The following LTBP1 variants were observed in gnomAD, a reference collection of about 807,000 sequenced individuals.
The protein encoded by LTBP1 is latent-transforming growth factor beta-binding protein 1.
In LTBP1, 129 loss-of-function variants were observed where a neutral mutation model predicts 207.6. The observed-to-expected ratio is 0.62, with a 90% CI of 0.54 to 0.72. The LOEUF (loss-of-function observed/expected upper bound fraction) is 0.72, where lower values mean the gene tolerates loss of function less well. Ranked by LOEUF, LTBP1 falls within the 30% of genes least tolerant of loss-of-function variation. LTBP1 has a pLI of 0.00. For missense variants in LTBP1, 2,281 were observed against 2,217.2 expected (o/e 1.03, Z -0.58); for synonymous variants, 963 against 833.7 (o/e 1.16, Z -2.67).
At chr2:33,349,498 C>CTT (rs1559050734) in intron 26 of LTBP1, among the ~76,000 whole-genome samples, 1 of 151,696 alleles carries the variant, frequency 6.6e-6, no homozygotes, top group African/African-American at 2.4e-5. Flanking sequence ...AGGCTGTGGT[C>CTT]TTTTTTTGTG....
At chr2:33,043,185 G>C (rs1239904067) in intron 3 of LTBP1, among the ~76,000 whole-genome samples, 1 of 152,188 alleles carries the variant, frequency 6.6e-6, no homozygotes, top group African/African-American at 2.4e-5. Flanking sequence ...ATTATGGCAG[G>C]AAGTCCTGCG....
At chr2:33,077,864 C>G (rs767806376) in intron 3 of LTBP1, among the ~76,000 whole-genome samples, 1 of 152,158 alleles carries the variant, frequency 6.6e-6, no homozygotes, top group Admixed American at 6.5e-5. Context: ...TTTGCAACAT[C>G]TTGGTGGGTG....
chr2:33,138,969 C>T (rs1473658100), intron 5 of LTBP1, among the ~76,000 whole-genome samples: 2 of 148,888 alleles, frequency 1.3e-5, no homozygotes, highest in African/African-American at 2.5e-5. Context: ...CGCCATTCTC[C>T]TGCCTCAGCC....
In LTBP1 at chr2:33,129,885, G is replaced by T. The variant is rs1382183014; in HGVS notation, c.1034-4908G>T. Among the ~76,000 whole-genome samples the T allele has an allele frequency of 3.3e-5, 5 of 152,274 alleles. No individual in the cohort carries two copies. In the East Asian group the frequency reaches 5.8e-4, roughly 18 times the overall value. On this transcript the variant is annotated intron_variant, in intron 4 of 33. Coordinates refer to ENST00000404816, the MANE Select transcript of LTBP1 (RefSeq NM_206943.4). ...ACTCTGGATTCTTACCTGTGGAACT[G>T]CCCACATCAGTACTAGTGATCTCAT... is the stretch of plus-strand genomic sequence containing the variant.
chr2:33,039,868 T>C (rs551753868), intron 3 of LTBP1, among the ~76,000 whole-genome samples: 1 of 152,194 alleles, frequency 6.6e-6, no homozygotes, highest in Non-Finnish European at 1.5e-5. Flanking sequence ...AAGCTGATAA[T>C]GGTTGCTTAC....
At chr2:33,289,754 A>G (rs552612703) in intron 19 of LTBP1, among the ~76,000 whole-genome samples, 1 of 152,302 alleles carries the variant, frequency 6.6e-6, no homozygotes, top group African/African-American at 2.4e-5. Flanking sequence ...ATGTATATGC[A>G]CTGGAAGAAT....
intron 4 of LTBP1, among the ~76,000 whole-genome samples, chr2:33,120,567 A>C (rs1017505552): frequency 6.6e-6 from 1 of 151,992 alleles, no homozygotes; most frequent in African/African-American, 2.4e-5. Context: ...TATGTACCAT[A>C]TTTTCTTTAT....
intron 4 of LTBP1, among the ~76,000 whole-genome samples, chr2:33,125,204 G>T (rs902956637): frequency 6.6e-6 from 1 of 152,206 alleles, no homozygotes; most frequent in Non-Finnish European, 1.5e-5. Flanking sequence ...ATCGAGGAAA[G>T]AAAGAACAAG....
chr2:33,393,942 C>T (rs1169837055), intron 32 of LTBP1, among the ~76,000 whole-genome samples: 1 of 151,318 alleles, frequency 6.6e-6, no homozygotes, highest in Non-Finnish European at 1.5e-5. Context: ...TCCACATCCT[C>T]TCCAGCACCT....
intron 1 of LTBP1, among the ~76,000 whole-genome samples, chr2:32,948,131 C>G (rs1676546344): frequency 6.6e-6 from 1 of 152,224 alleles, no homozygotes; most frequent in African/African-American, 2.4e-5. Context: ...TGGGCGTAAA[C>G]TTGAGGTCAC....
At chr2:33,195,356 A>C (rs2088428171) in intron 7 of LTBP1, among the ~76,000 whole-genome samples, 1 of 152,230 alleles carries the variant, frequency 6.6e-6, no homozygotes, top group Non-Finnish European at 1.5e-5. Context: ...CATTCATGAT[A>C]CATGGGAGGA....
At chr2:33,329,288 G>A (rs1207011385) in intron 24 of LTBP1, among the ~76,000 whole-genome samples, 1 of 151,976 alleles carries the variant, frequency 6.6e-6, no homozygotes, top group Non-Finnish European at 1.5e-5. Flanking sequence ...TACCTTTATT[G>A]GCCCTTTGGA....
chr2:33,235,786 A>G (rs1485972223), intron 9 of LTBP1, among the ~76,000 whole-genome samples: 1 of 152,222 alleles, frequency 6.6e-6, no homozygotes, highest in Non-Finnish European at 1.5e-5. Flanking sequence ...CATCATTCTT[A>G]GCAAACTAAC....
At chr2:33,173,303 T>TA (rs1325428573) in intron 5 of LTBP1, among the ~76,000 whole-genome samples, 2 of 151,064 alleles carry the variant, frequency 1.3e-5, no homozygotes, top group Admixed American at 6.6e-5. Flanking sequence ...ATAGACGCAA[T>TA]AAAAAATGAT....
intron 18 of LTBP1, among the ~76,000 whole-genome samples, 192 bp from the exon 19 acceptor site, chr2:33,279,847 A>AATCCAGGTATGCTT (rs1198773898): frequency 6.6e-6 from 1 of 152,210 alleles, no homozygotes; most frequent in Non-Finnish European, 1.5e-5. Context: ...CAAATATTTT[A>AATCCAGGTATGCTT]ATCCAGGTAT....
At chr2:33,389,141 A>T (rs2095293255) in intron 31 of LTBP1, 43 bp from the exon 32 acceptor site, 4 of 1,612,708 alleles carry the variant, frequency 2.5e-6, no homozygotes, top group African/African-American at 2.7e-5. Context: ...GGCAGGTGCG[A>T]GCTAACAGTG....
rs941781394 is a variant in LTBP1, at chr2:33,241,286, C to G, written c.1877-2376C>G. On this transcript the variant is annotated intron_variant, in intron 9 of 33. Coordinates refer to ENST00000404816, the MANE Select transcript of LTBP1 (RefSeq NM_206943.4). ...CAGTCATAACAGGAAGAGTCTTACA[C>G]GATTCTTCGTCTTTGTGGATGTTTC... is the stretch of plus-strand genomic sequence containing the variant. 2.0e-5 allele frequency among the ~76,000 whole-genome samples: 3 copies of G among 152,144 alleles called. No individual in the cohort carries two copies. In the South Asian group the frequency reaches 6.2e-4, roughly 32 times the overall value.
chr2:33,263,491 G>T, intron 15 of LTBP1, 99 bp downstream of exon 15: 1 of 783,148 alleles, frequency 1.3e-6, no homozygotes, highest in East Asian at 2.5e-5. Flanking sequence ...GCTCATGGCA[G>T]GGTTAGCCAT....
At position 33,134,884 on chromosome 2, in the gene LTBP1, G is replaced by A; in HGVS notation, c.1125G>A (p.Glu375=). ...AGGGCAGCTGTCAGAACAGCTGTGA[G>A]AAGGGGAACACCACCACTCTCATTA... ...CTKGSCQNSC[E]KGNTTTLISE... The change falls in exon 5 of 34, where the codon GAG becomes GAA. Residue 375 remains glutamate (E), a synonymous_variant. Transcript: ENST00000404816. The surrounding 1 kb of genome is among the most constrained non-coding windows in gnomAD (Gnocchi z 4.4). 6.2e-7 allele frequency: 1 copy of A among 1,614,078 alleles called. No homozygotes were observed. Among genetic ancestry groups the A allele is most frequent in the East Asian group, 2.2e-5 (1 of 44,876 alleles).
Sources: gnomAD v4.1 joint callset for allele counts (sites outside exome capture counted in the v4.1 genomes callset) on GRCh38, gnomAD v4.1.1 for gene constraint, Gnocchi (gnomAD v3.1) non-coding constraint, MANE v1.5 for transcripts, NCBI Gene and HGNC (gene_info 2026-07-23, HGNC 2026-07-21) for gene names.